The following STARD13 variants were observed in gnomAD, a reference collection of about 807,000 sequenced individuals.
STARD13 encodes the protein stAR-related lipid transfer protein 13.
A neutral mutation model predicts 106.4 loss-of-function variants in STARD13; 62 were observed. The ratio of observed to expected loss-of-function variants is 0.58; its 90% CI spans 0.48 to 0.72. The LOEUF (loss-of-function observed/expected upper bound fraction) is 0.72, where lower values mean the gene tolerates loss of function less well. Ranked by LOEUF, STARD13 falls within the 30% of genes least tolerant of loss-of-function variation. The pLI is 0.00. For missense variants in STARD13, 1,387 were observed against 1,424.0 expected (o/e 0.97, Z 0.42); for synonymous variants, 565 against 553.0 (o/e 1.02, Z -0.31).
chr13:33,405,682 T>C, the STARD13 span, among the ~76,000 whole-genome samples: 1 of 152,244 alleles, frequency 6.6e-6, no homozygotes, highest in African/African-American at 2.4e-5. Context: ...TGCTAACAAA[T>C]ATCTGTTGAA....
intron 1 of STARD13, among the ~76,000 whole-genome samples, chr13:33,232,885 C>A (rs1379215188): frequency 1.3e-5 from 2 of 152,136 alleles, no homozygotes. Flanking sequence ...CTGTATAAAC[C>A]TCCCAATTTT....
At chr13:33,427,019 G>T in the STARD13 span, among the ~76,000 whole-genome samples, 1 of 152,280 alleles carries the variant, frequency 6.6e-6, no homozygotes, top group Non-Finnish European at 1.5e-5. Flanking sequence ...GTGGTTATGA[G>T]AGCTCTGTAT....
At chr13:33,439,336 C>A in the STARD13 span, among the ~76,000 whole-genome samples, 5 of 152,178 alleles carry the variant, frequency 3.3e-5, no homozygotes, top group African/African-American at 1.2e-4. Context: ...GCCTTACCTT[C>A]GAAGCAGATG....
chr13:33,662,421 ATGT>A, the STARD13 span, among the ~76,000 whole-genome samples: 4 of 152,134 alleles, frequency 2.6e-5, no homozygotes, highest in Admixed American at 6.6e-5. Context: ...TGTTTTGAAA[ATGT>A]TGTAATGGAA....
the STARD13 span, among the ~76,000 whole-genome samples, chr13:33,360,449 A>C: frequency 6.6e-6 from 1 of 151,606 alleles, no homozygotes; most frequent in African/African-American, 2.4e-5. Flanking sequence ...TGTGATCCAC[A>C]CACCTCGGCC....
At chr13:33,495,233 A>G in the STARD13 span, among the ~76,000 whole-genome samples, 3 of 152,188 alleles carry the variant, frequency 2.0e-5, no homozygotes, top group African/African-American at 7.2e-5. Context: ...GTCAATTAAA[A>G]AACTATTCAG....
At chr13:33,382,499 T>C in the STARD13 span, among the ~76,000 whole-genome samples, 1 of 152,222 alleles carries the variant, frequency 6.6e-6, no homozygotes, top group South Asian at 2.1e-4. Flanking sequence ...TTGTTTACTG[T>C]TGGTCCTTTC....
chr13:33,307,274 ACTACCATTTGACC>A (rs1892946049), intron 1 of STARD13, among the ~76,000 whole-genome samples: 1 of 152,266 alleles, frequency 6.6e-6, no homozygotes, highest in African/African-American at 2.4e-5. Context: ...TAAAAGCAGA[ACTACCATTTGACC>A]GAGCAATCCC....
the STARD13 span, among the ~76,000 whole-genome samples, chr13:33,581,504 A>G: frequency 1.3e-5 from 2 of 152,174 alleles, no homozygotes; most frequent in Non-Finnish European, 2.9e-5. Flanking sequence ...GTTAGTCCTC[A>G]GTAGGATTTT....
chr13:33,364,002 T>C, the STARD13 span, among the ~76,000 whole-genome samples: 1 of 152,162 alleles, frequency 6.6e-6, no homozygotes, highest in African/African-American at 2.4e-5. Context: ...GTTGATTAAA[T>C]CACCATGAAT....
intron 5 of STARD13, among the ~76,000 whole-genome samples, chr13:33,128,374 T>A (rs1292160998): frequency 6.6e-6 from 1 of 152,174 alleles, no homozygotes; most frequent in African/African-American, 2.4e-5. Flanking sequence ...CACCCTTGCC[T>A]CAACCAGAAA....
the STARD13 span, among the ~76,000 whole-genome samples, chr13:33,417,773 G>T: frequency 6.6e-6 from 1 of 152,114 alleles, no homozygotes; most frequent in Admixed American, 6.5e-5. Flanking sequence ...GGTAAGACTG[G>T]GGGGGAAATG....
the STARD13 span, among the ~76,000 whole-genome samples, chr13:33,552,965 C>T: frequency 1.3e-5 from 2 of 152,006 alleles, no homozygotes; most frequent in African/African-American, 2.4e-5. Context: ...ATGGTAGACA[C>T]TGAACCATAT....
At chr13:33,125,044 A>G (rs1876954786) in intron 7 of STARD13, among the ~76,000 whole-genome samples, 2 of 152,328 alleles carry the variant, frequency 1.3e-5, no homozygotes, top group South Asian at 2.1e-4. Context: ...GACAACTTCA[A>G]ATGAAGAAGT....
At chr13:33,603,077 C>G in the STARD13 span, among the ~76,000 whole-genome samples, 1 of 152,078 alleles carries the variant, frequency 6.6e-6, no homozygotes, top group Admixed American at 6.6e-5. Context: ...CCAAGGATCC[C>G]TCGGGCCTCT....
At chr13:33,427,955 CAA>C in the STARD13 span, among the ~76,000 whole-genome samples, 45 of 100,902 alleles carry the variant, frequency 4.5e-4, no homozygotes, top group African/African-American at 6.6e-4. Context: ...AACTCCGTCT[CAA>C]AAAAAAAAAA....
chr13:33,331,764 A>G (rs71438008), intron 1 of STARD13, among the ~76,000 whole-genome samples: 7 of 152,120 alleles, frequency 4.6e-5, no homozygotes, highest in Non-Finnish European at 7.3e-5. Context: ...AGAGCATAGC[A>G]GAGTGTCTGA....
intron 1 of STARD13, among the ~76,000 whole-genome samples, chr13:33,214,357 T>C (rs1887902314): frequency 2.0e-5 from 3 of 152,234 alleles, no homozygotes; most frequent in Admixed American, 6.5e-5. Context: ...CCTAAGCTCC[T>C]GAGACTGACT....
the STARD13 span, among the ~76,000 whole-genome samples, chr13:33,491,541 T>G: frequency 6.6e-6 from 1 of 152,314 alleles, no homozygotes; most frequent in Admixed American, 6.5e-5. Context: ...TGTGAGACCT[T>G]GGGGGTTGAA....
Sources: gnomAD v4.1 joint callset for allele counts (sites outside exome capture counted in the v4.1 genomes callset) on GRCh38, gnomAD v4.1.1 for gene constraint, MANE v1.5 for transcripts, NCBI Gene and HGNC (gene_info 2026-07-23, HGNC 2026-07-21) for gene names.